The following LIMK2 variants were observed in gnomAD, a reference collection of about 807,000 sequenced individuals.
LIMK2 encodes LIM domain kinase 2.
LIMK2 carries 35 observed loss-of-function variants against 75.7 expected under a neutral mutation model. The observed-to-expected ratio is 0.46, with a 90% CI of 0.35 to 0.61. The LOEUF (loss-of-function observed/expected upper bound fraction) is 0.61. Among genes scored for constraint, LIMK2 ranks in the 20% least tolerant of loss-of-function variants. The pLI is 0.00. For missense variants in LIMK2, 623 were observed against 831.0 expected (o/e 0.75, Z 3.08); for synonymous variants, 301 against 319.2 (o/e 0.94, Z 0.61).
Position 31,275,222 on chromosome 22 carries a change from T to C in LIMK2, c.1686T>C (p.Leu562=). 1 of 1,614,234 alleles carries C rather than the reference T, an allele frequency of 6.2e-7. No homozygotes were observed. Among genetic ancestry groups the C allele is most frequent in the South Asian group, 1.1e-5 (1 of 91,090 alleles). ...TGGACTTTGGCCTCAACGTGAAGCT[T>C]TTCTGGGAGAAGTTTGTTCCCACAG... is the stretch of plus-strand genomic sequence containing the variant. ...RTLDFGLNVK[L]FWEKFVPTDC... Residue 562 remains leucine, a synonymous_variant, in exon 15 of 16, where the codon CTT becomes CTC. Transcript: ENST00000331728.
chr22:31,251,823 C>T (rs2048727648), intron 2 of LIMK2, among the ~76,000 whole-genome samples: 1 of 152,128 alleles, frequency 6.6e-6, no homozygotes, highest in Non-Finnish European at 1.5e-5. Context: ...CCCTTCTGGG[C>T]CCTGGGGAAA....
At chr22:31,252,114 G>T (rs2048730843) in intron 2 of LIMK2, among the ~76,000 whole-genome samples, 1 of 152,188 alleles carries the variant, frequency 6.6e-6, no homozygotes, top group South Asian at 2.1e-4. Flanking sequence ...TTTGTCTGAA[G>T]AATTTGGATG....
At position 31,234,160 on chromosome 22, in the gene LIMK2, G is replaced by A. The variant is rs546867845; in HGVS notation, c.116+8341G>A. ...CCCAAGTAGCTGGGATTAAGGCACCGGCCCCCATACCCAGCTAATTTTTAT... is the reference window on the plus strand; with the variant it reads ...CCCAAGTAGCTGGGATTAAGGCACCAGCCCCCATACCCAGCTAATTTTTAT... On this transcript the variant is annotated intron_variant, in intron 2 of 15. Transcript: ENST00000331728. Among the ~76,000 whole-genome samples, 8 of 151,654 alleles carry A rather than the reference G, an allele frequency of 5.3e-5. No individual in the cohort carries two copies. In the East Asian group the frequency reaches 7.9e-4, roughly 15 times the overall value.
At chr22:31,231,475 G>A (rs1408568793) in intron 2 of LIMK2, among the ~76,000 whole-genome samples, 1 of 152,194 alleles carries the variant, frequency 6.6e-6, no homozygotes, top group Non-Finnish European at 1.5e-5. Flanking sequence ...CCAGCCCGTA[G>A]ATCATTAAGG....
intron 12 of LIMK2, among the ~76,000 whole-genome samples, chr22:31,271,633 G>C (rs1312381099): frequency 6.6e-6 from 1 of 152,106 alleles, no homozygotes; most frequent in Non-Finnish European, 1.5e-5. Flanking sequence ...CTGCCCCTCA[G>C]CTGTGGTGGT....
chr22:31,212,808 T>C (rs1251928317), intron 1 of LIMK2, among the ~76,000 whole-genome samples: 1 of 152,084 alleles, frequency 6.6e-6, no homozygotes, highest in Admixed American at 6.5e-5. Flanking sequence ...GGTTCTCTTA[T>C]AGTGGAAGCT....
At chr22:31,273,124 T>G in intron 13 of LIMK2, 1 of 800,766 alleles carries the variant, frequency 1.2e-6, no homozygotes, top group Non-Finnish European at 1.5e-6. Context: ...CATTTTGGAG[T>G]CTGAGGCCCA....
intron 7 of LIMK2, among the ~76,000 whole-genome samples, chr22:31,263,812 A>G (rs978787489): frequency 1.1e-4 from 17 of 152,234 alleles, no homozygotes; most frequent in African/African-American, 4.1e-4. Context: ...AGCCTGGGCC[A>G]CATTCCTGTC....
chr22:31,275,904 C>T (rs2049008769), intron 15 of LIMK2, among the ~76,000 whole-genome samples: 2 of 152,130 alleles, frequency 1.3e-5, no homozygotes, highest in South Asian at 4.1e-4. Flanking sequence ...TTCATTATTA[C>T]CAAAGTTACC....
chr22:31,231,125 C>T, intron 2 of LIMK2, among the ~76,000 whole-genome samples: 1 of 152,204 alleles, frequency 6.6e-6, no homozygotes, highest in Non-Finnish European at 1.5e-5. Context: ...TCTTGGCATT[C>T]TTGAATGCAA....
In LIMK2 at chr22:31,266,948, TG is replaced by T. The variant is rs763338755; in HGVS notation, c.1042-34del. 16 of 1,446,314 alleles carry T rather than the reference TG, an allele frequency of 1.1e-5. No homozygotes were observed. In the Middle Eastern group the frequency reaches 2.1e-3, roughly 192 times the overall value. 89.6% of individuals were successfully genotyped at this position (1,446,314 alleles called of 1,614,324 possible). A position where few individuals can be genotyped will look rare whatever the true frequency, so the allele number is the denominator to read the frequency against. On this transcript the variant is annotated intron_variant, in intron 8 of 15. Transcript: ENST00000331728. The stretch of plus-strand genomic sequence containing the variant: ...TCAAACAGTTCTCCAGAACTTCCTC[TG>T]GTCTCAGCACCATTAACAGTCACCC...
rs753060255 is a variant in LIMK2 at position 31,266,149 on chromosome 22, A to G, written c.1041+17A>G. On this transcript the variant is annotated intron_variant, in intron 8 of 15. Transcript: ENST00000331728. ...GCTATCAAGGTGAGCGCAGGCAACA[A>G]TTGCTTTGCTCTTCTGCCCCCAGTC... 6.2e-7 allele frequency: 1 copy of G among 1,613,044 alleles called. No individual in the cohort carries two copies. Among genetic ancestry groups the G allele is most frequent in the Non-Finnish European group, 8.5e-7 (1 of 1,179,126 alleles).
intron 3 of LIMK2, chr22:31,258,851 A>T: frequency 2.3e-6 from 1 of 439,998 alleles, no homozygotes; most frequent in Non-Finnish European, 4.2e-6. Context: ...CCAACCCTGT[A>T]TTGGAAGAAC....
intron 2 of LIMK2, among the ~76,000 whole-genome samples, chr22:31,247,152 G>A (rs1389120306): frequency 6.6e-6 from 1 of 152,174 alleles, no homozygotes; most frequent in Non-Finnish European, 1.5e-5. Context: ...TTACAATGGT[G>A]AGCGGTGTGT....
chr22:31,267,410 C>A (rs1321907677), intron 9 of LIMK2, among the ~76,000 whole-genome samples: 2 of 152,164 alleles, frequency 1.3e-5, no homozygotes, highest in Admixed American at 1.3e-4. Flanking sequence ...GCTAAGGGAG[C>A]CTGGAGGGGA....
Position 31,267,840 on chromosome 22 carries a change from A to G in LIMK2, c.1193A>G (p.Asp398Gly). The change falls in exon 10 of 16, where the codon GAT becomes GGT. Residue 398 changes from aspartate to glycine, a missense_variant. Coordinates refer to ENST00000331728, the MANE Select transcript of LIMK2 (RefSeq NM_005569.4). ...AAGTTCATTGGTGTGCTGTACAAGGATAAGAAGCTGAACCTCCTGACAGAG... is the reference window on the plus strand; with the variant it reads ...AAGTTCATTGGTGTGCTGTACAAGGGTAAGAAGCTGAACCTCCTGACAGAG... ...VLKFIGVLYK[D>G]KKLNLLTEYI... The G allele has an allele frequency of 1.2e-6, 2 of 1,613,510 alleles. No individual in the cohort carries two copies. The highest frequency in any genetic ancestry group is 8.5e-7 in the Non-Finnish European group (1 of 1,179,772).
chr22:31,274,103 G>C (rs2048987167), intron 14 of LIMK2, among the ~76,000 whole-genome samples: 1 of 151,658 alleles, frequency 6.6e-6, no homozygotes. Context: ...ATTCCAGAAG[G>C]AAGGGCAAGA....
At position 31,272,264 on chromosome 22, in the gene LIMK2, G is replaced by A. The variant is rs13056815; in HGVS notation, c.1384-266G>A. 0.41 allele frequency among the ~76,000 whole-genome samples: 59,752 copies of A among 145,620 alleles called. 13,378 individuals carry two copies. The highest frequency in any genetic ancestry group is 0.57 in the Middle Eastern group (161 of 282). Reference sequence around the variant, plus strand: ...TTTTTTTTGTATTTTTAGTAGAGACGGGGTTTTGCCATGTTGGCCAGGCTG... The same window carrying A: ...TTTTTTTTGTATTTTTAGTAGAGACAGGGTTTTGCCATGTTGGCCAGGCTG... On this transcript the variant is annotated intron_variant, in intron 12 of 15. Transcript: ENST00000331728.
Position 31,222,349 on chromosome 22 carries a change from G to T in LIMK2, c.17-3371G>T, listed in dbSNP as rs999630832. Among the ~76,000 whole-genome samples the T allele has an allele frequency of 3.4e-5, 5 of 147,480 alleles. No homozygotes were observed. In the East Asian group the frequency reaches 7.9e-4, roughly 23 times the overall value. On this transcript the variant is annotated intron_variant, in intron 1 of 15. Coordinates refer to ENST00000331728, the MANE Select transcript of LIMK2 (RefSeq NM_005569.4). ...GCCTCCCAAAGTACTGGGATTACAG[G>T]CATGAGCCACCGTGCCCAGCCTCTT...
Sources: allele counts gnomAD v4.1 joint callset (sites outside exome capture counted in the v4.1 genomes callset), GRCh38; gene constraint gnomAD v4.1.1; transcripts MANE v1.5; gene names NCBI Gene and HGNC (gene_info 2026-07-23, HGNC 2026-07-21).